SLC1A1: variants seen among roughly 807,000 people sequenced by gnomAD.
The protein encoded by SLC1A1 is solute carrier family 1 member 1, also known as excitatory amino acid transporter 3.
In SLC1A1, 43 loss-of-function variants were observed where a neutral mutation model predicts 53.3. The observed-to-expected ratio is 0.81, with a 90% CI of 0.63 to 1.04. SLC1A1 has a LOEUF of 1.04. SLC1A1 is among the 50% of genes least tolerant of loss of function. The probability of loss-of-function intolerance (pLI) is 0.00; values close to 1 mark genes in which losing one functional copy is unlikely to be tolerated. For missense variants in SLC1A1, 748 were observed against 664.9 expected, an observed-to-expected ratio of 1.12 and a Z score of -1.37; for synonymous variants, 307 against 243.2, an observed-to-expected ratio of 1.26 and a Z score of -2.44.
At position 4,572,186 on chromosome 9, in the gene SLC1A1, C is replaced by A. The variant is rs1376766078; in HGVS notation, c.583-18C>A. ...TTATAATCGTGCATCAATATGTTTT[C>A]TTGGTTTTGATCCACAGAACAAAAC... On this transcript the variant is annotated intron_variant, in intron 6 of 11. Transcript: ENST00000262352. 6 of 1,606,990 alleles carry A rather than the reference C, an allele frequency of 3.7e-6. No homozygotes were observed. The highest frequency in any genetic ancestry group is 3.3e-5 in the Admixed American group (2 of 59,968).
At chr9:4,553,226 T>G (rs1818080732) in intron 2 of SLC1A1, among the ~76,000 whole-genome samples, 1 of 152,108 alleles carries the variant, frequency 6.6e-6, no homozygotes. Flanking sequence ...TACTGGACAA[T>G]AAGTTCAGGG....
chr9:4,524,530 G>C (rs557036723), intron 1 of SLC1A1, among the ~76,000 whole-genome samples: 2 of 152,268 alleles, frequency 1.3e-5, no homozygotes, highest in South Asian at 2.1e-4. Flanking sequence ...TCTGTTTTGT[G>C]TGGCTGTAAT....
chr9:4,490,531 G>A lies in SLC1A1; in HGVS notation c.-149G>A, dbSNP rs531453317. 152 of 466,974 alleles carry A rather than the reference G, an allele frequency of 3.3e-4. No homozygotes were observed. Among genetic ancestry groups the A allele is most frequent in the African/African-American group, 3.0e-3 (145 of 48,504 alleles). The allele number at this position is 466,974 out of a possible 1,614,324, so 28.9% of individuals were successfully genotyped here. On this transcript the variant is annotated 5_prime_UTR_variant, in exon 1 of 12. Coordinates refer to ENST00000262352, the MANE Select transcript of SLC1A1 (RefSeq NM_004170.6). ...GCGATCCCGGGTGGCGGCGGCAACG[G>A]CGGTGGTGACGGCGGCGACTGCAGC...
At chr9:4,493,031 G>T (rs554662090) in intron 1 of SLC1A1, among the ~76,000 whole-genome samples, 38 of 152,284 alleles carry the variant, frequency 2.5e-4, no homozygotes, top group South Asian at 2.1e-3. Context: ...ATAAGAAGAA[G>T]TACATGCTCA....
chr9:4,540,161 T>C (rs1171038684), intron 1 of SLC1A1, among the ~76,000 whole-genome samples: 1 of 152,064 alleles, frequency 6.6e-6, no homozygotes, highest in Non-Finnish European at 1.5e-5. Flanking sequence ...CAGCTTGACT[T>C]CAAAGGGATG....
At chr9:4,491,705 C>A (rs1306898192) in intron 1 of SLC1A1, among the ~76,000 whole-genome samples, 2 of 152,154 alleles carry the variant, frequency 1.3e-5, no homozygotes, top group African/African-American at 4.8e-5. Context: ...TGTCGCCTTC[C>A]CAGTGATAGC....
At chr9:4,567,958 G>A (rs767764920) in intron 6 of SLC1A1, among the ~76,000 whole-genome samples, 191 bp downstream of exon 6, 13 of 152,116 alleles carry the variant, frequency 8.5e-5, no homozygotes, top group African/African-American at 2.4e-4. Flanking sequence ...CACAAAGAGC[G>A]GCAAAATATT....
chr9:4,552,648 G>A (rs1195440677), intron 2 of SLC1A1, among the ~76,000 whole-genome samples: 1 of 152,016 alleles, frequency 6.6e-6, no homozygotes, highest in Non-Finnish European at 1.5e-5. Context: ...CATCCTAGAG[G>A]GGCAAGAGAG....
chr9:4,585,189 T>G, intron 11 of SLC1A1, 123 bp from the exon 12 acceptor site: 1 of 1,322,076 alleles, frequency 7.6e-7, no homozygotes, highest in Non-Finnish European at 1.1e-6. Flanking sequence ...CAGTCAGCCA[T>G]GAGGACAGCA....
chr9:4,531,830 C>T (rs1445362859), intron 1 of SLC1A1, among the ~76,000 whole-genome samples: 2 of 152,180 alleles, frequency 1.3e-5, no homozygotes, highest in Admixed American at 1.3e-4. Context: ...TGACACCTCA[C>T]ATGGCAGGGT....
chr9:4,497,588 T>C (rs974816913), intron 1 of SLC1A1, among the ~76,000 whole-genome samples: 2 of 152,226 alleles, frequency 1.3e-5, no homozygotes, highest in African/African-American at 4.8e-5. Flanking sequence ...AATCAAACTC[T>C]ATTACCTCCA....
At chr9:4,575,928 T>C in intron 8 of SLC1A1, 73 bp from the exon 9 acceptor site, 4 of 1,542,596 alleles carry the variant, frequency 2.6e-6, no homozygotes, top group Non-Finnish European at 3.6e-6. Flanking sequence ...ATTAAAAAGA[T>C]GTTTGATAAA....
intron 1 of SLC1A1, among the ~76,000 whole-genome samples, chr9:4,492,664 G>A (rs996858162): frequency 3.3e-5 from 5 of 151,976 alleles, no homozygotes; most frequent in Admixed American, 3.3e-4. Context: ...GCGTGGTGGT[G>A]CACATCTGTA....
At chr9:4,573,467 T>C (rs1338740790) in intron 7 of SLC1A1, among the ~76,000 whole-genome samples, 1 of 152,210 alleles carries the variant, frequency 6.6e-6, no homozygotes, top group East Asian at 1.9e-4. Context: ...AGAGCTATTA[T>C]GATCACTTCC....
intron 1 of SLC1A1, among the ~76,000 whole-genome samples, chr9:4,530,112 T>C (rs1363875256): frequency 6.6e-6 from 1 of 152,152 alleles, no homozygotes; most frequent in Non-Finnish European, 1.5e-5. Context: ...TTTTCTCTTA[T>C]TTTTATTTGG....
intron 1 of SLC1A1, among the ~76,000 whole-genome samples, chr9:4,535,738 C>T (rs1371049097): frequency 6.6e-6 from 1 of 151,978 alleles, no homozygotes; most frequent in Non-Finnish European, 1.5e-5. Context: ...CAAAAAAGAG[C>T]CCACATTGCC....
intron 8 of SLC1A1, among the ~76,000 whole-genome samples, chr9:4,575,087 T>C (rs1222031594): frequency 6.6e-6 from 1 of 152,240 alleles, no homozygotes; most frequent in Non-Finnish European, 1.5e-5. Flanking sequence ...TCTGCTGGTT[T>C]CTATTCTCTT....
chr9:4,564,060 T>C (rs1003404718), intron 3 of SLC1A1, among the ~76,000 whole-genome samples: 2 of 151,714 alleles, frequency 1.3e-5, no homozygotes, highest in African/African-American at 4.8e-5. Context: ...CCAGAAGCAA[T>C]TCTGGGATGC....
Position 4,583,337 on chromosome 9 carries a change from T to C in SLC1A1, c.1328+165T>C, listed in dbSNP as rs953550809. 2.6e-5 allele frequency among the ~76,000 whole-genome samples: 4 copies of C among 152,196 alleles called. No homozygotes were observed. The highest frequency in any genetic ancestry group is 7.2e-5 in the African/African-American group (3 of 41,450). On this transcript the variant is annotated intron_variant, in intron 11 of 11. Transcript: ENST00000262352. This position sits in a 1 kb window ranked among gnomAD's most constrained non-coding sequence, Gnocchi z 4.6. ...GCCATCTGATAACATGCCTAAAAAT[T>C]AACTCCTCATAACGTGGAGCAGTGA...
Sources: gnomAD v4.1 joint callset for allele counts (sites outside exome capture counted in the v4.1 genomes callset) on GRCh38, gnomAD v4.1.1 for gene constraint, Gnocchi (gnomAD v3.1) non-coding constraint, MANE v1.5 for transcripts, NCBI Gene and HGNC (gene_info 2026-07-23, HGNC 2026-07-21) for gene names.